Variants in FGD4 observed in about 807,000 individuals in gnomAD.
FGD4 encodes FYVE, RhoGEF and PH domain containing 4.
FGD4 carries 42 observed loss-of-function variants against 102.0 expected under a neutral mutation model. That is an observed-to-expected ratio of 0.41 (90% CI 0.32 to 0.53). The LOEUF (loss-of-function observed/expected upper bound fraction) is 0.53. FGD4 is among the 20% of genes least tolerant of loss of function. FGD4 has a pLI of 0.21. For missense variants in FGD4, 902 were observed against 1,078.2 expected (o/e 0.84, Z 2.29); for synonymous variants, 380 against 375.7 (o/e 1.01, Z -0.13).
Position 32,601,433 on chromosome 12 carries a change from G to A in FGD4, c.1247+10G>A, listed in dbSNP as rs41276676. 2 of 1,610,608 alleles carry A rather than the reference G, an allele frequency of 1.2e-6. No individual in the cohort carries two copies. Among genetic ancestry groups the A allele is most frequent in the Non-Finnish European group, 1.7e-6 (2 of 1,177,926 alleles). Reference sequence around the variant, plus strand: ...AACGAATGCAAGAATGGTAAGAGGAGTAGATAGAAAATGATATGTTTAAGG... The same window carrying A: ...AACGAATGCAAGAATGGTAAGAGGAATAGATAGAAAATGATATGTTTAAGG... On this transcript the variant is annotated intron_variant, in intron 6 of 16. Coordinates refer to ENST00000534526, the MANE Select transcript of FGD4 (RefSeq NM_001370298.3).
chr12:32,399,899 T>G lies in FGD4; in HGVS notation c.106T>G (p.Ser36Ala). ...GCCCCGGCCCTGGAGCAGGCCCGCG[T>G]CGCACCTGGGACGTGTAGGGACCGC... ...GVPRPWSRPASHLGRVGTAAF... is the reference protein window; with the variant it reads ...GVPRPWSRPAAHLGRVGTAAF... The change falls in exon 1 of 17, where the codon TCG (serine) becomes GCG (alanine). Residue 36 changes from serine (S) to alanine (A), a missense_variant. Transcript: ENST00000534526. 6.5e-7 allele frequency: 1 copy of G among 1,529,290 alleles called. No individual in the cohort carries two copies. The highest frequency in any genetic ancestry group is 8.7e-7 in the Non-Finnish European group (1 of 1,144,492). 94.7% of individuals were successfully genotyped at this position (1,529,290 alleles called of 1,614,324 possible). A position where few individuals can be genotyped will look rare whatever the true frequency, so the allele number is the denominator to read the frequency against.
chr12:32,526,820 G>A (rs1046669728), intron 1 of FGD4, among the ~76,000 whole-genome samples: 2 of 152,198 alleles, frequency 1.3e-5, no homozygotes, highest in Middle Eastern at 3.4e-3. Context: ...CAGATGCCCC[G>A]CCTTAAAAGC....
intron 15 of FGD4, among the ~76,000 whole-genome samples, chr12:32,636,570 T>C (rs964008418): frequency 6.6e-5 from 10 of 151,310 alleles, no homozygotes; most frequent in African/African-American, 2.4e-4. Flanking sequence ...GAAGCATCAG[T>C]TTTTTTTTCC....
At chr12:32,570,886 A>G (rs547418705) in intron 2 of FGD4, among the ~76,000 whole-genome samples, 1 of 152,312 alleles carries the variant, frequency 6.6e-6, no homozygotes, top group African/African-American at 2.4e-5. Context: ...AGAACAAAGA[A>G]GGGGGCAGAT....
chr12:32,549,526 C>G (rs1282426784), intron 1 of FGD4, among the ~76,000 whole-genome samples: 1 of 152,110 alleles, frequency 6.6e-6, no homozygotes, highest in Non-Finnish European at 1.5e-5. Flanking sequence ...ACAAGTGAGA[C>G]CACAAACAAC....
intron 11 of FGD4, among the ~76,000 whole-genome samples, chr12:32,620,255 C>CT (rs1949726415): frequency 6.6e-6 from 1 of 152,164 alleles, no homozygotes; most frequent in African/African-American, 2.4e-5. Context: ...ATGCTAATCT[C>CT]TGAGTCTTTC....
chr12:32,459,591 C>A (rs1324978364), intron 1 of FGD4, among the ~76,000 whole-genome samples: 2 of 151,812 alleles, frequency 1.3e-5, no homozygotes, highest in Admixed American at 6.6e-5. Context: ...AGATTTGATT[C>A]TTTTGTGCTA....
At chr12:32,535,400 T>C (rs1266271348) in intron 1 of FGD4, among the ~76,000 whole-genome samples, 1 of 152,062 alleles carries the variant, frequency 6.6e-6, no homozygotes, top group Non-Finnish European at 1.5e-5. Flanking sequence ...AAGGTTGGGG[T>C]TGGTGACAGC....
chr12:32,593,238 A>G (rs895685298), intron 4 of FGD4, among the ~76,000 whole-genome samples: 1 of 152,206 alleles, frequency 6.6e-6, no homozygotes, highest in African/African-American at 2.4e-5. Flanking sequence ...GCATACAATA[A>G]TCAGTGAATA....
intron 4 of FGD4, among the ~76,000 whole-genome samples, chr12:32,585,107 C>T (rs148039432): frequency 0.015 from 2,197 of 151,348 alleles, 45 homozygotes; most frequent in African/African-American, 0.05. Flanking sequence ...ACCAGCTACT[C>T]AGGAGGCTGA....
chr12:32,434,374 C>T (rs76081703), intron 1 of FGD4, among the ~76,000 whole-genome samples: 9,110 of 152,198 alleles, frequency 0.06, 388 homozygotes, highest in South Asian at 0.13. Flanking sequence ...GATTGGAGAA[C>T]GAAGACTCAG....
chr12:32,514,396 G>A (rs10506092), intron 1 of FGD4, among the ~76,000 whole-genome samples: 3 of 152,214 alleles, frequency 2.0e-5, no homozygotes, highest in East Asian at 1.9e-4. Context: ...CCTCAGCCAC[G>A]TTAGTCTTCT....
rs555046318 is a variant in FGD4 at position 32,490,642 on chromosome 12, C to T, written c.167-73495C>T. 2.0e-5 allele frequency among the ~76,000 whole-genome samples: 3 copies of T among 148,894 alleles called. No homozygotes were observed. In the East Asian group the frequency reaches 5.9e-4, roughly 29 times the overall value. On this transcript the variant is annotated intron_variant, in intron 1 of 16. Coordinates refer to ENST00000534526, the MANE Select transcript of FGD4 (RefSeq NM_001370298.3). ...TTGAACTCCTGACCTTGTGATCCACCCACCTCGGCCTCCCAAAGTGCTGGG... is the reference window on the plus strand; with the variant it reads ...TTGAACTCCTGACCTTGTGATCCACTCACCTCGGCCTCCCAAAGTGCTGGG...
At chr12:32,524,524 T>TAAAAA (rs113473656) in intron 1 of FGD4, among the ~76,000 whole-genome samples, 4 of 134,432 alleles carry the variant, frequency 3.0e-5, no homozygotes, top group African/African-American at 1.0e-4. Flanking sequence ...ATAATTCAAA[T>TAAAAA]AAAAAAAAAA....
intron 2 of FGD4, among the ~76,000 whole-genome samples, chr12:32,574,558 TG>T (rs1565859939): frequency 1.3e-5 from 2 of 152,192 alleles, no homozygotes; most frequent in East Asian, 3.8e-4. Flanking sequence ...CCCAAACATA[TG>T]TTGGAAAATA....
chr12:32,598,714 A>T (rs1314925280), intron 5 of FGD4, 128 bp downstream of exon 5: 1 of 739,848 alleles, frequency 1.4e-6, no homozygotes, highest in Non-Finnish European at 2.3e-6. Flanking sequence ...GTACTTGCTC[A>T]AGGAAATCTC....
At chr12:32,567,362 T>C (rs999661072) in intron 2 of FGD4, among the ~76,000 whole-genome samples, 1 of 152,206 alleles carries the variant, frequency 6.6e-6, no homozygotes, top group Non-Finnish European at 1.5e-5. Flanking sequence ...AGGACTCTTA[T>C]TCTAGGTGAG....
At chr12:32,467,052 G>A (rs1265457162) in intron 1 of FGD4, among the ~76,000 whole-genome samples, 1 of 151,856 alleles carries the variant, frequency 6.6e-6, no homozygotes, top group East Asian at 1.9e-4. Context: ...ATTTTATTAA[G>A]TAAAAATTCT....
intron 15 of FGD4, among the ~76,000 whole-genome samples, chr12:32,633,910 T>C (rs1167649655): frequency 6.6e-6 from 1 of 152,190 alleles, no homozygotes; most frequent in African/African-American, 2.4e-5. Flanking sequence ...CTCAAACTCC[T>C]GACCTCAGGT....
Sources: allele counts gnomAD v4.1 joint callset (sites outside exome capture counted in the v4.1 genomes callset), GRCh38; gene constraint gnomAD v4.1.1; transcripts MANE v1.5; gene names NCBI Gene and HGNC (gene_info 2026-07-23, HGNC 2026-07-21).